PSTPIP2: variants seen among roughly 807,000 people sequenced by gnomAD.
PSTPIP2 encodes proline-serine-threonine phosphatase interacting protein 2, also known as proline-serine-threonine phosphatase-interacting protein 2.
A neutral mutation model predicts 63.3 loss-of-function variants in PSTPIP2; 33 were observed. That is an observed-to-expected ratio of 0.52 (90% confidence interval 0.40 to 0.70). The LOEUF (loss-of-function observed/expected upper bound fraction) is 0.70, where lower values mean the gene tolerates loss of function less well. Ranked by LOEUF, PSTPIP2 falls within the 30% of genes least tolerant of loss-of-function variation. The pLI, the probability that PSTPIP2 is intolerant of heterozygous loss-of-function variation, is 0.00. For synonymous variants in PSTPIP2, 125 were observed against 132.7 expected (o/e 0.94, Z 0.40); for missense variants, 312 against 400.7 (o/e 0.78, Z 1.89).
At chr18:46,045,812 C>T (rs62095447) in intron 1 of PSTPIP2, among the ~76,000 whole-genome samples, 3,708 of 152,234 alleles carry the variant, frequency 0.024, 64 homozygotes, top group Non-Finnish European at 0.037. Context: ...CATGGTGGTG[C>T]ACACCCACAC....
chr18:46,066,519 T>C (rs750467245), intron 1 of PSTPIP2, among the ~76,000 whole-genome samples: 2 of 152,158 alleles, frequency 1.3e-5, no homozygotes, highest in Non-Finnish European at 2.9e-5. Context: ...TGCCTGAGAT[T>C]ACGTGGGGAA....
intron 1 of PSTPIP2, among the ~76,000 whole-genome samples, chr18:46,042,403 T>C (rs538979922): frequency 1.2e-4 from 19 of 152,140 alleles, no homozygotes; most frequent in Non-Finnish European, 2.5e-4. Flanking sequence ...TTTCCCGAAG[T>C]CTTCTCTGAG....
At chr18:46,066,739 G>T (rs1227916043) in intron 1 of PSTPIP2, among the ~76,000 whole-genome samples, 1 of 152,104 alleles carries the variant, frequency 6.6e-6, no homozygotes, top group Non-Finnish European at 1.5e-5. Flanking sequence ...TCTTTAAAAG[G>T]GTGGAACAGG....
intron 9 of PSTPIP2, chr18:45,993,982 C>G (rs116583068): frequency 2.6e-6 from 1 of 391,994 alleles, no homozygotes; most frequent in Non-Finnish European, 4.8e-6. Context: ...GAGTTCCTAC[C>G]GACATTTCCA....
At chr18:46,039,858 A>G (rs1908125781) in intron 2 of PSTPIP2, 89 bp downstream of exon 2, 2 of 1,139,284 alleles carry the variant, frequency 1.8e-6, no homozygotes, top group Admixed American at 1.7e-5. Flanking sequence ...CAGAACCATT[A>G]AACACAAATG....
chr18:45,995,140 G>A (rs551843687), intron 9 of PSTPIP2, among the ~76,000 whole-genome samples: 2 of 152,122 alleles, frequency 1.3e-5, no homozygotes, highest in East Asian at 3.9e-4. Flanking sequence ...TTTGAGACAG[G>A]GTCTCACTTT....
chr18:46,047,303 G>A (rs373859670), intron 1 of PSTPIP2, among the ~76,000 whole-genome samples: 7 of 152,168 alleles, frequency 4.6e-5, no homozygotes, highest in African/African-American at 7.2e-5. Flanking sequence ...GGTTAGGTGC[G>A]GTGGCTCATA....
At chr18:46,049,008 ATGTGTGTGTGTGTGTGTGTGTGTGTGTG>A (rs59638072) in intron 1 of PSTPIP2, among the ~76,000 whole-genome samples, 1 of 136,276 alleles carries the variant, frequency 7.3e-6, no homozygotes, top group African/African-American at 2.7e-5. Flanking sequence ...GAAAAAAAGC[ATGTGTGTGTGTGTGTGTGTGTGTGTGTG>A]TGTGTGTGTG....
chr18:46,002,087 A>G (rs2051674271), intron 6 of PSTPIP2, among the ~76,000 whole-genome samples: 1 of 152,160 alleles, frequency 6.6e-6, no homozygotes, highest in African/African-American at 2.4e-5. Flanking sequence ...ATGGTTTCTA[A>G]TAGGAAATCT....
chr18:46,055,556 C>A (rs183240879), intron 1 of PSTPIP2, among the ~76,000 whole-genome samples: 89 of 152,246 alleles, frequency 5.8e-4, no homozygotes, highest in Non-Finnish European at 9.9e-4. Context: ...TAGGCTCAAG[C>A]GAGCTGCCTG....
chr18:46,043,243 A>G (rs1221886695), intron 1 of PSTPIP2, among the ~76,000 whole-genome samples: 1 of 150,116 alleles, frequency 6.7e-6, no homozygotes, highest in Admixed American at 6.6e-5. Context: ...AAAAAAAAAA[A>G]AAAGCCAAGT....
At chr18:46,046,391 T>C (rs1017232643) in intron 1 of PSTPIP2, among the ~76,000 whole-genome samples, 4 of 152,232 alleles carry the variant, frequency 2.6e-5, no homozygotes, top group Non-Finnish European at 5.9e-5. Flanking sequence ...CCTCTCATGA[T>C]GTCTGCTATA....
chr18:46,053,835 G>A (rs1319170153), intron 1 of PSTPIP2, among the ~76,000 whole-genome samples: 1 of 152,166 alleles, frequency 6.6e-6, no homozygotes, highest in Non-Finnish European at 1.5e-5. Context: ...GATCTTAAAT[G>A]CATAGCGCTA....
intron 4 of PSTPIP2, among the ~76,000 whole-genome samples, chr18:46,015,648 C>T (rs1178706124): frequency 6.6e-6 from 1 of 152,140 alleles, no homozygotes; most frequent in Non-Finnish European, 1.5e-5. Flanking sequence ...CAATAACAAG[C>T]CCTCCAGGTG....
chr18:46,026,961 G>A (rs1002064104), intron 2 of PSTPIP2, among the ~76,000 whole-genome samples: 1 of 152,078 alleles, frequency 6.6e-6, no homozygotes, highest in Admixed American at 6.6e-5. Context: ...ATACAAATAG[G>A]AAGGATGAAC....
chr18:46,031,858 C>A (rs907536309), intron 2 of PSTPIP2, among the ~76,000 whole-genome samples: 3 of 152,030 alleles, frequency 2.0e-5, no homozygotes, highest in Non-Finnish European at 4.4e-5. Context: ...TCCTAGAACC[C>A]GGGAAGTAAT....
At chr18:46,028,744 A>G in intron 2 of PSTPIP2, 1 of 958,482 alleles carries the variant, frequency 1.0e-6, no homozygotes, top group Non-Finnish European at 1.7e-6. Context: ...CAAACTTAAG[A>G]AGCGACTTTA....
At chr18:45,993,522 G>T in intron 10 of PSTPIP2, 83 bp downstream of exon 10, 2 of 1,355,230 alleles carry the variant, frequency 1.5e-6, no homozygotes, top group Non-Finnish European at 2.1e-6. Context: ...AGGGCAAAGT[G>T]AACCAATCAA....
chr18:45,996,591 G>A (rs1313865546), intron 9 of PSTPIP2, among the ~76,000 whole-genome samples: 1 of 151,714 alleles, frequency 6.6e-6, no homozygotes, highest in East Asian at 1.9e-4. Flanking sequence ...GCAAAAGAAA[G>A]GGAGCAGTGG....
Sources: gnomAD v4.1 joint callset for allele counts (sites outside exome capture counted in the v4.1 genomes callset) on GRCh38, gnomAD v4.1.1 for gene constraint, MANE v1.5 for transcripts, NCBI Gene and HGNC (gene_info 2026-07-23, HGNC 2026-07-21) for gene names.